Variants in GSG1L observed in about 807,000 individuals in gnomAD.
GSG1L encodes the protein GSG1 like, also known as germ cell-specific gene 1-like protein.
Under a neutral mutation model 42.1 loss-of-function variants are expected in GSG1L, and 24 were observed. The observed-to-expected ratio is 0.57, with a 90% CI of 0.41 to 0.80. The LOEUF (loss-of-function observed/expected upper bound fraction) is 0.80. GSG1L is among the 30% of genes least tolerant of loss of function. The pLI is 0.00. For synonymous variants in GSG1L, 215 were observed against 203.5 expected (o/e 1.06, Z -0.48); for missense variants, 445 against 472.2 (o/e 0.94, Z 0.53).
At chr16:27,861,749 G>A (rs189784578) in intron 3 of GSG1L, among the ~76,000 whole-genome samples, 67 of 152,202 alleles carry the variant, frequency 4.4e-4, no homozygotes, top group Non-Finnish European at 3.5e-4. Flanking sequence ...GCCTTTGCAT[G>A]CACTGTTTCC....
chr16:27,851,658 C>T (rs543743680), intron 3 of GSG1L, among the ~76,000 whole-genome samples: 4 of 152,260 alleles, frequency 2.6e-5, no homozygotes, highest in South Asian at 4.1e-4. Context: ...GAAATGCATG[C>T]GGCTCTCAGG....
At chr16:27,866,122 T>A (rs1158123273) in intron 3 of GSG1L, among the ~76,000 whole-genome samples, 1 of 152,170 alleles carries the variant, frequency 6.6e-6, no homozygotes, top group African/African-American at 2.4e-5. Flanking sequence ...TCTGTATATC[T>A]CTGTATGTCC....
chr16:27,853,080 G>A (rs892777440), intron 3 of GSG1L, among the ~76,000 whole-genome samples: 5 of 152,088 alleles, frequency 3.3e-5, no homozygotes, highest in South Asian at 2.1e-4. Flanking sequence ...AGCCTCCCGC[G>A]GAAAAAAAAC....
chr16:27,880,690 A>T (rs754575274), intron 3 of GSG1L, among the ~76,000 whole-genome samples: 4 of 151,880 alleles, frequency 2.6e-5, no homozygotes, highest in Non-Finnish European at 5.9e-5. Context: ...GGTAGAGGAG[A>T]GTCCCCCACT....
intron 3 of GSG1L, among the ~76,000 whole-genome samples, chr16:27,865,577 A>C (rs1473818716): frequency 1.2e-4 from 3 of 24,688 alleles, no homozygotes; most frequent in African/African-American, 1.4e-3. Context: ...ATATATACAC[A>C]CACACATACA....
intron 5 of GSG1L, among the ~76,000 whole-genome samples, chr16:27,809,889 C>A (rs946604109): frequency 2.0e-5 from 3 of 152,226 alleles, no homozygotes; most frequent in African/African-American, 7.2e-5. Flanking sequence ...TGACTCTTCC[C>A]ATCACCTCTT....
intron 4 of GSG1L, among the ~76,000 whole-genome samples, chr16:27,836,177 G>A (rs2083318558): frequency 6.6e-6 from 1 of 151,760 alleles, no homozygotes; most frequent in Non-Finnish European, 1.5e-5. Context: ...AAAATGTTGT[G>A]CCACTTCCTT....
At chr16:27,829,942 G>T (rs1027366688) in intron 4 of GSG1L, among the ~76,000 whole-genome samples, 3 of 152,110 alleles carry the variant, frequency 2.0e-5, no homozygotes, top group African/African-American at 7.2e-5. Flanking sequence ...TGAATGACCT[G>T]CTTGGCTTTC....
intron 1 of GSG1L, among the ~76,000 whole-genome samples, chr16:28,011,421 GC>G (rs1423333843): frequency 6.6e-6 from 1 of 152,230 alleles, no homozygotes; most frequent in Non-Finnish European, 1.5e-5. Context: ...TGGACACACT[GC>G]CTCGGCGGTC....
At position 27,935,051 on chromosome 16, in the gene GSG1L, G is replaced by A. The variant is rs1667267927; in HGVS notation, c.397+28105C>T. On this transcript the variant is annotated intron_variant, in intron 2 of 6. Transcript: ENST00000447459. Reference sequence around the variant, plus strand: ...GAGATCATTTCGGGGATTTGCAGGAGGGACAAAGCAAGGTGACTTGAGAAG... The same window carrying A: ...GAGATCATTTCGGGGATTTGCAGGAAGGACAAAGCAAGGTGACTTGAGAAG... Among the ~76,000 whole-genome samples, 4 of 152,230 alleles carry A rather than the reference G, an allele frequency of 2.6e-5. No homozygotes were observed. The South Asian group carries it at 8.3e-4, about 32-fold the overall frequency.
chr16:27,900,509 G>A (rs901685859), intron 2 of GSG1L, among the ~76,000 whole-genome samples: 24 of 152,192 alleles, frequency 1.6e-4, no homozygotes, highest in Admixed American at 1.0e-3. Flanking sequence ...TGCTTGGGGG[G>A]CCTGGCTGGT....
chr16:27,807,751 A>G (rs2082983778), intron 5 of GSG1L, among the ~76,000 whole-genome samples, 197 bp from the exon 6 acceptor site: 1 of 152,196 alleles, frequency 6.6e-6, no homozygotes, highest in African/African-American at 2.4e-5. Context: ...CTACTAATGA[A>G]GAAACTGAGG....
chr16:27,803,796 G>GATATATATAT (rs879523842), intron 6 of GSG1L, among the ~76,000 whole-genome samples: 3 of 73,828 alleles, frequency 4.1e-5, no homozygotes, highest in African/African-American at 1.6e-4. Context: ...TATATATATA[G>GATATATATAT]ATAGATAGAT....
At chr16:27,862,929 G>GA (rs2083671276) in intron 3 of GSG1L, among the ~76,000 whole-genome samples, 2 of 147,038 alleles carry the variant, frequency 1.4e-5, no homozygotes, top group African/African-American at 5.0e-5. Flanking sequence ...ATTCTCTAGG[G>GA]TTTTTTTTTT....
chr16:27,839,732 T>G (rs1242134423), intron 4 of GSG1L, among the ~76,000 whole-genome samples: 1 of 152,216 alleles, frequency 6.6e-6, no homozygotes, highest in East Asian at 1.9e-4. Context: ...CTTCCAATGA[T>G]CATGAATCAG....
chr16:27,962,311 G>T (rs2085080813), intron 2 of GSG1L, among the ~76,000 whole-genome samples: 1 of 152,198 alleles, frequency 6.6e-6, no homozygotes, highest in Non-Finnish European at 1.5e-5. Flanking sequence ...GGAGATATAT[G>T]CAGGTGTTGT....
At chr16:27,814,674 G>C in intron 5 of GSG1L, among the ~76,000 whole-genome samples, 1 of 130,434 alleles carries the variant, frequency 7.7e-6, no homozygotes, top group Non-Finnish European at 1.6e-5. Flanking sequence ...GACAGAGGGA[G>C]AACCCGTCTC....
intron 3 of GSG1L, chr16:27,863,349 A>AT (rs1275319040): frequency 6.6e-6 from 1 of 152,166 alleles, no homozygotes; most frequent in Non-Finnish European, 1.5e-5. Flanking sequence ...GAAGTGTTCT[A>AT]TTTTTACAAG....
intron 4 of GSG1L, among the ~76,000 whole-genome samples, chr16:27,837,810 C>T (rs942986276): frequency 6.7e-6 from 1 of 150,238 alleles, no homozygotes. Flanking sequence ...TGGGCTGACC[C>T]TTTCTTGGTC....
Sources: allele counts gnomAD v4.1 joint callset (sites outside exome capture counted in the v4.1 genomes callset), GRCh38; gene constraint gnomAD v4.1.1; transcripts MANE v1.5; gene names NCBI Gene and HGNC (gene_info 2026-07-23, HGNC 2026-07-21).